PRCP: variants seen among roughly 807,000 people sequenced by gnomAD.
PRCP encodes the protein lysosomal Pro-X carboxypeptidase.
Under a neutral mutation model 54.2 loss-of-function variants are expected in PRCP, and 46 were observed. The ratio of observed to expected loss-of-function variants is 0.85; its 90% CI spans 0.67 to 1.09. PRCP has a LOEUF of 1.09. Ranked by LOEUF, PRCP falls within the 50% of genes least tolerant of loss-of-function variation. The pLI, the probability that PRCP is intolerant of heterozygous loss-of-function variation, is 0.00. For missense variants in PRCP, 613 were observed against 596.8 expected (o/e 1.03, Z -0.28); for synonymous variants, 240 against 212.2 (o/e 1.13, Z -1.14).
intron 8 of PRCP, chr11:82,836,292 TA>T (rs1038024144): frequency 4.6e-5 from 7 of 151,300 alleles, no homozygotes; most frequent in African/African-American, 1.7e-4. Context: ...CCCTGATAGG[TA>T]GGTCAGAAAG....
chr11:82,885,182 A>T (rs1859836797), intron 1 of PRCP, among the ~76,000 whole-genome samples: 2 of 152,164 alleles, frequency 1.3e-5, no homozygotes, highest in African/African-American at 4.8e-5. Context: ...GGTATATGAC[A>T]TGTTTTTCTT....
At chr11:82,866,726 A>ATT (rs112185054) in intron 1 of PRCP, among the ~76,000 whole-genome samples, 5 of 145,968 alleles carry the variant, frequency 3.4e-5, no homozygotes, top group South Asian at 2.2e-4. Flanking sequence ...ATTGTTTTTA[A>ATT]TTTTTTTTTT....
At chr11:82,886,230 A>G (rs911109057) in intron 1 of PRCP, among the ~76,000 whole-genome samples, 10 of 152,190 alleles carry the variant, frequency 6.6e-5, no homozygotes, top group African/African-American at 2.4e-4. Flanking sequence ...CTTCAACTTT[A>G]TTACTGTCTA....
At chr11:82,865,302 C>T (rs1042767764) in intron 1 of PRCP, among the ~76,000 whole-genome samples, 3 of 152,180 alleles carry the variant, frequency 2.0e-5, no homozygotes, top group African/African-American at 7.2e-5. Flanking sequence ...CTTCAACCCT[C>T]GGTAGGCGAC....
chr11:82,835,314 A>C (rs1474966397), intron 8 of PRCP, among the ~76,000 whole-genome samples: 1 of 152,220 alleles, frequency 6.6e-6, no homozygotes, highest in African/African-American at 2.4e-5. Flanking sequence ...CTAAACTCAG[A>C]GTCAACTTCC....
At chr11:82,897,023 CTCAGGTGGGAGGTACAAGGTAA>C (rs1860133376) in intron 1 of PRCP, among the ~76,000 whole-genome samples, 1 of 152,144 alleles carries the variant, frequency 6.6e-6, no homozygotes, top group Non-Finnish European at 1.5e-5. Context: ...GCCTGAGGGG[CTCAGGTGGGAGGTACAAGGTAA>C]TAAGCATGCA....
At chr11:82,893,247 A>G (rs1860043401) in intron 1 of PRCP, among the ~76,000 whole-genome samples, 1 of 152,214 alleles carries the variant, frequency 6.6e-6, no homozygotes, top group Admixed American at 6.5e-5. Context: ...TCTGAGTGAA[A>G]GCAGGAGCAC....
At chr11:82,881,868 A>C (rs191551392) in intron 1 of PRCP, among the ~76,000 whole-genome samples, 321 of 152,302 alleles carry the variant, frequency 2.1e-3, no homozygotes, top group African/African-American at 7.4e-3. Flanking sequence ...CAAATGGTCA[A>C]AAATCTGCCT....
Position 82,839,607 on chromosome 11 carries a change from T to G in PRCP, c.922-182A>C. On this transcript the variant is annotated intron_variant, in intron 6 of 8. Transcript: ENST00000313010. Reference sequence around the variant, plus strand: ...CCATAAATGAATAAACCTCTTCAATTACTCCTTAGGCTATAGAAATAAACC... The same window carrying G: ...CCATAAATGAATAAACCTCTTCAATGACTCCTTAGGCTATAGAAATAAACC... 4 of 650,166 alleles carry G rather than the reference T, an allele frequency of 6.2e-6. No individual in the cohort carries two copies. In the South Asian group the frequency reaches 8.0e-5, roughly 13 times the overall value. 40.3% of individuals were successfully genotyped at this position (650,166 alleles called of 1,614,324 possible).
rs55736620 is a variant in PRCP, at chr11:82,885,285, A to T, written c.168+14950T>A. Among the ~76,000 whole-genome samples the T allele has an allele frequency of 5.9e-3, 903 of 152,358 alleles. 5 individuals are homozygous for T. The highest frequency in any genetic ancestry group is 0.01 in the Non-Finnish European group (687 of 68,040). On this transcript the variant is annotated intron_variant, in intron 1 of 8. Coordinates refer to ENST00000313010, the MANE Select transcript of PRCP (RefSeq NM_005040.4). Reference sequence around the variant, plus strand: ...TCATTGTATAAATAACTGAGCTATGAGGAATGGTACATATTGCAGAAATAT... The same window carrying T: ...TCATTGTATAAATAACTGAGCTATGTGGAATGGTACATATTGCAGAAATAT...
In PRCP at chr11:82,850,002, G is replaced by T. The variant is rs139707418; in HGVS notation, c.663C>A (p.Ile221=). Residue 221 remains isoleucine, a synonymous_variant, in exon 5 of 9, where the codon ATC becomes ATA. Coordinates refer to ENST00000313010, the MANE Select transcript of PRCP (RefSeq NM_005040.4). ...CGCTTTTCCTAAAATCTGTAGTTAC[G>T]ATCTTCATAAATACACCACAAGGTA... The part of the protein sequence containing the change: ...DLVPCGVFMK[I]VTTDFRKSGP... The T allele has an allele frequency of 1.2e-5, 18 of 1,559,792 alleles. No individual in the cohort carries two copies. The African/African-American group carries it at 1.8e-4, about 16-fold the overall frequency.
chr11:82,844,747 A>AAAAAAAAAG (rs756222029), intron 6 of PRCP, among the ~76,000 whole-genome samples: 1 of 136,056 alleles, frequency 7.3e-6, no homozygotes, highest in African/African-American at 2.9e-5. Flanking sequence ...AAAAAAAAAA[A>AAAAAAAAAG]AAAGAAAGAA....
rs1022916240 is a variant in PRCP at position 82,851,430 on chromosome 11, T to C, written c.412-925A>G. On this transcript the variant is annotated intron_variant, in intron 3 of 8. Coordinates refer to ENST00000313010, the MANE Select transcript of PRCP (RefSeq NM_005040.4). ...TTAGCTGCCTTGTAATGAACTCAAG[T>C]AGACCCTTAACTGCAGCCTCTTGTC... 2.7e-5 allele frequency among the ~76,000 whole-genome samples: 4 copies of C among 150,012 alleles called. No individual in the cohort carries two copies. In the Admixed American group the frequency reaches 2.7e-4, roughly 10 times the overall value.
Position 82,884,552 on chromosome 11 carries a change from A to G in PRCP, c.168+15683T>C, listed in dbSNP as rs542561771. Among the ~76,000 whole-genome samples the G allele has an allele frequency of 4.6e-5, 7 of 152,342 alleles. No homozygotes were observed. The East Asian group carries it at 1.2e-3, about 25-fold the overall frequency. On this transcript the variant is annotated intron_variant, in intron 1 of 8. Coordinates refer to ENST00000313010, the MANE Select transcript of PRCP (RefSeq NM_005040.4). ...CACCTGGGAGTGAGACCCTGTCTCA[A>G]CAACTACAAAAAATCCAGTTGTGTC...
At chr11:82,873,083 A>ATTT (rs1565230944) in intron 1 of PRCP, among the ~76,000 whole-genome samples, 40 of 134,862 alleles carry the variant, frequency 3.0e-4, no homozygotes, top group African/African-American at 1.0e-3. Flanking sequence ...TTTTTTTAAA[A>ATTT]AAAAAGAAAG....
chr11:82,829,347 A>G (rs1414778066), intron 8 of PRCP: 1 of 152,194 alleles, frequency 6.6e-6, no homozygotes, highest in Non-Finnish European at 1.5e-5. Flanking sequence ...CTCACTTACT[A>G]ACTCCACTCC....
rs538945150 is a variant in PRCP at position 82,825,773 on chromosome 11, G to A, written c.1275-651C>T. 8 of 152,376 alleles carry A rather than the reference G, an allele frequency of 5.3e-5. No individual in the cohort carries two copies. In the East Asian group the frequency reaches 7.7e-4, roughly 15 times the overall value. The allele number at this position is 152,376 out of a possible 1,614,324, so 9.4% of individuals were successfully genotyped here. ...GAATCCGAAAATTTGGGCATTACAC[G>A]AAAATCTTCATTTTACATTAGCTTT... On this transcript the variant is annotated intron_variant, in intron 8 of 8. Transcript: ENST00000313010.
intron 8 of PRCP, chr11:82,835,772 GA>G: frequency 2.3e-6 from 1 of 434,510 alleles, no homozygotes; most frequent in East Asian, 6.4e-5. Context: ...TAAAGCTGAA[GA>G]AGTTGTAAAG....
intron 1 of PRCP, among the ~76,000 whole-genome samples, chr11:82,883,687 C>A (rs1859803255): frequency 6.6e-6 from 1 of 152,188 alleles, no homozygotes; most frequent in Admixed American, 6.5e-5. Context: ...TTAGTGTTGA[C>A]TGCACTTGTT....
Sources: gnomAD v4.1 joint callset for allele counts (sites outside exome capture counted in the v4.1 genomes callset) on GRCh38, gnomAD v4.1.1 for gene constraint, MANE v1.5 for transcripts, NCBI Gene and HGNC (gene_info 2026-07-23, HGNC 2026-07-21) for gene names.